SCN4A: variants seen among roughly 807,000 people sequenced by gnomAD.
SCN4A encodes the protein sodium voltage-gated channel alpha subunit 4, also known as sodium channel protein type 4 subunit alpha.
Under a neutral mutation model 162.0 loss-of-function variants are expected in SCN4A, and 83 were observed. The ratio of observed to expected loss-of-function variants is 0.51; its 90% CI spans 0.43 to 0.61. The LOEUF (loss-of-function observed/expected upper bound fraction) is 0.61, where lower values mean the gene tolerates loss of function less well. Among genes scored for constraint, SCN4A ranks in the 20% least tolerant of loss-of-function variants. The pLI, the probability that SCN4A is intolerant of heterozygous loss-of-function variation, is 0.00. For synonymous variants in SCN4A, 944 were observed against 985.1 expected (o/e 0.96, Z 0.78); for missense variants, 2,196 against 2,462.5 (o/e 0.89, Z 2.29).
intron 17 of SCN4A, among the ~76,000 whole-genome samples, chr17:63,947,423 G>T (rs948527506): frequency 1.4e-5 from 1 of 72,804 alleles, no homozygotes. Flanking sequence ...CGACTCCTTC[G>T]GGGAGGCCTG....
intron 16 of SCN4A, 132 bp from the exon 17 acceptor site, chr17:63,948,195 C>T: frequency 4.6e-6 from 3 of 649,500 alleles, no homozygotes; most frequent in South Asian, 2.3e-5. Flanking sequence ...ACAGGCTGTC[C>T]GCATCTCCTG....
At chr17:63,971,365 C>T (rs941820260) in intron 4 of SCN4A, 112 bp from the exon 5 acceptor site, 2 of 705,748 alleles carry the variant, frequency 2.8e-6, no homozygotes, top group African/African-American at 1.7e-5. Flanking sequence ...ATTGGGGGTA[C>T]CACAGGGTCT....
At chr17:63,955,661 C>T (rs887379010) in intron 13 of SCN4A, among the ~76,000 whole-genome samples, 2 of 152,182 alleles carry the variant, frequency 1.3e-5, no homozygotes, top group African/African-American at 2.4e-5. Context: ...CTTACATCAA[C>T]AAACTCCTAC....
At position 63,968,371 on chromosome 17, in the gene SCN4A, G is replaced by T; in HGVS notation, c.704-16C>A. 6.4e-7 allele frequency: 1 copy of T among 1,572,988 alleles called. No homozygotes were observed. The highest frequency in any genetic ancestry group is 8.7e-7 in the Non-Finnish European group (1 of 1,155,314). On this transcript the variant is annotated splice_polypyrimidine_tract_variant and intron_variant, in intron 5 of 23. Transcript: ENST00000435607. ...GTCTTCAGCCCTGACCGCAGAGAGG[G>T]CAAGGATATTGGCAGGGGGCAGGGC...
chr17:63,947,019 A>AGGC, intron 18 of SCN4A, 26 bp downstream of exon 18: 1 of 778,946 alleles, frequency 1.3e-6, no homozygotes, highest in Non-Finnish European at 2.0e-6. Context: ...TCCCCAGCCC[A>AGGC]CCCCAGAGGC....
In SCN4A at chr17:63,941,232, T is replaced by C; in HGVS notation, c.5050A>G (p.Thr1684Ala). ...CCAGAGTCACCCAGGACCTCTTTGG[T>C]CAGGGCAAAGAGGATGTCCAGGCAG... ...IHCLDILFALTKEVLGDSGEM... is the reference protein window; with the variant it reads ...IHCLDILFALAKEVLGDSGEM... The change falls in exon 24 of 24, where the codon ACC (threonine) becomes GCC (alanine). Residue 1684 changes from threonine to alanine, a missense_variant. Thr to Ala is a moderately conservative substitution (Grantham distance 58). Coordinates refer to ENST00000435607, the MANE Select transcript of SCN4A (RefSeq NM_000334.4). The surrounding 1 kb of genome is among the most constrained non-coding windows in gnomAD (Gnocchi z 6.2). 6.2e-7 allele frequency: 1 copy of C among 1,613,790 alleles called. No homozygotes were observed. Among genetic ancestry groups the C allele is most frequent in the Non-Finnish European group, 8.5e-7 (1 of 1,179,816 alleles).
rs897448432 is a variant in SCN4A, at chr17:63,959,279, G to A, written c.2005C>T (p.Arg669Cys). 3.1e-6 allele frequency: 5 copies of A among 1,613,352 alleles called. No homozygotes were observed. Among genetic ancestry groups the A allele is most frequent in the Non-Finnish European group, 4.2e-6 (5 of 1,179,470 alleles). ...LANVQGLSVL[R>C]SFRLLRVFKL... ...CTTTTGTGTACCAGACGGAAGGAGC[G>A]TAGCACAGACAGTCCCTGTACGTTG... The change falls in exon 12 of 24, where the codon CGC (arginine) becomes TGC (cysteine). Residue 669 changes from arginine to cysteine, a missense_variant. Coordinates refer to ENST00000435607, the MANE Select transcript of SCN4A (RefSeq NM_000334.4).
intron 22 of SCN4A, 41 bp downstream of exon 22, chr17:63,943,705 C>G (rs758149913): frequency 1.4e-4 from 183 of 1,286,962 alleles, no homozygotes; most frequent in Non-Finnish European, 1.9e-4. Context: ...TAGGCAGGAG[C>G]CTGGCAGCAC....
At position 63,948,781 on chromosome 17, in the gene SCN4A, G is replaced by A. The variant is rs542216962; in HGVS notation, c.2990-16C>T. 4 of 1,584,448 alleles carry A rather than the reference G, an allele frequency of 2.5e-6. No individual in the cohort carries two copies. The highest frequency in any genetic ancestry group is 1.1e-5 in the South Asian group (1 of 88,700). ...TGCACGCAGGCTGATGGGGTGAGGGGGGACAGGGACAGGCACCACATCATG... is the reference window on the plus strand; with the variant it reads ...TGCACGCAGGCTGATGGGGTGAGGGAGGACAGGGACAGGCACCACATCATG... On this transcript the variant is annotated splice_polypyrimidine_tract_variant and intron_variant, in intron 15 of 23. Transcript: ENST00000435607.
rs769966213 is a variant in SCN4A at position 63,964,454 on chromosome 17, C to A, written c.1452+14G>T. The A allele has an allele frequency of 6.2e-7, 1 of 1,612,844 alleles. No individual in the cohort carries two copies. Among genetic ancestry groups the A allele is most frequent in the Non-Finnish European group, 8.5e-7 (1 of 1,178,968 alleles). ...GAACCCTGGGTCCTCTATCTCCTTT[C>A]CCTGAGTCCAGACCTTCTCCAGCTC... On this transcript the variant is annotated intron_variant, in intron 9 of 23. Coordinates refer to ENST00000435607, the MANE Select transcript of SCN4A (RefSeq NM_000334.4).
At chr17:63,948,179 C>T (rs1031874887) in intron 16 of SCN4A, 116 bp from the exon 17 acceptor site, 2 of 765,860 alleles carry the variant, frequency 2.6e-6, no homozygotes, top group East Asian at 5.8e-5. Context: ...GGGCCCAGCC[C>T]AAGGGACAGG....
chr17:63,942,026 T>C, intron 23 of SCN4A, 33 bp from the exon 24 acceptor site: 7 of 1,511,426 alleles, frequency 4.6e-6, no homozygotes, highest in Non-Finnish European at 5.3e-6. Context: ...ACGCTGCCAC[T>C]GGGGAGGGGG....
Position 63,951,333 on chromosome 17 carries a change from G to T in SCN4A, c.2853+91C>A. The T allele has an allele frequency of 1.1e-6, 1 of 877,674 alleles. No individual in the cohort carries two copies. The highest frequency in any genetic ancestry group is 1.8e-6 in the Non-Finnish European group (1 of 571,148). The allele number at this position is 877,674 out of a possible 1,614,324, so 54.4% of individuals were successfully genotyped here. A position where few individuals can be genotyped will look rare whatever the true frequency, so the allele number is the denominator to read the frequency against. On this transcript the variant is annotated intron_variant, in intron 14 of 23. Coordinates refer to ENST00000435607, the MANE Select transcript of SCN4A (RefSeq NM_000334.4). This position sits in a 1 kb window ranked among gnomAD's most constrained non-coding sequence, Gnocchi z 4.5. ...GGGCACCACCCCCATTTTACAGCTGGAGAAACTGAGGCTCAGAGAGGACTT... is the reference window on the plus strand; with the variant it reads ...GGGCACCACCCCCATTTTACAGCTGTAGAAACTGAGGCTCAGAGAGGACTT...
Position 63,968,161 on chromosome 17 carries a change from A to G in SCN4A, c.898T>C (p.Trp300Arg). The G allele has an allele frequency of 3.1e-6, 5 of 1,613,852 alleles. No homozygotes were observed. The highest frequency in any genetic ancestry group is 1.3e-5 in the African/African-American group (1 of 75,000). The change falls in exon 6 of 24, where the codon TGG (tryptophan) becomes CGG (arginine). Residue 300 changes from tryptophan to arginine, a missense_variant. Transcript: ENST00000435607. ...TNTTWYSNDT[W>R]YGNDTWYGNE... Reference sequence around the variant, plus strand: ...CCATACCATGTGTCATTGCCGTACCACGTGTCATTGCTGTACCACGTGGTG... The same window carrying G: ...CCATACCATGTGTCATTGCCGTACCGCGTGTCATTGCTGTACCACGTGGTG...
intron 14 of SCN4A, 169 bp from the exon 15 acceptor site, chr17:63,949,697 A>T (rs557245205): frequency 1.4e-6 from 1 of 736,856 alleles, no homozygotes; most frequent in South Asian, 2.0e-5. Flanking sequence ...AACCACGGGG[A>T]CGTAGGTGGC....
rs796291789 is a variant in SCN4A, at chr17:63,949,319, C to G, written c.2989+74G>C. ...AGCCCCAGGTCCGTGTGCTTTTGGT[C>G]CTGGTGTAGCCTGCCCCTTGCAGGG... On this transcript the variant is annotated intron_variant, in intron 15 of 23. Coordinates refer to ENST00000435607, the MANE Select transcript of SCN4A (RefSeq NM_000334.4). The G allele has an allele frequency of 3.4e-6, 5 of 1,458,394 alleles. No individual in the cohort carries two copies. The African/African-American group carries it at 7.1e-5, about 21-fold the overall frequency. 90.3% of individuals were successfully genotyped at this position (1,458,394 alleles called of 1,614,324 possible).
intron 4 of SCN4A, 28 bp downstream of exon 4, chr17:63,971,694 C>T (rs1263591761): frequency 1.3e-6 from 2 of 1,559,378 alleles, no homozygotes; most frequent in Non-Finnish European, 1.7e-6. Flanking sequence ...CCACCCCAGC[C>T]TCAGGATGTC....
chr17:63,970,852 T>C (rs1193078251), intron 5 of SCN4A, among the ~76,000 whole-genome samples: 1 of 152,200 alleles, frequency 6.6e-6, no homozygotes, highest in Admixed American at 6.5e-5. Context: ...CAGGCTGGTC[T>C]CAAACTCCTG....
At chr17:63,964,707 G>T (rs1291047387) in intron 8 of SCN4A, 30 bp from the exon 9 acceptor site, 2 of 1,549,890 alleles carry the variant, frequency 1.3e-6, no homozygotes, top group Admixed American at 1.9e-5. Flanking sequence ...GAGTGGAGGG[G>T]TCCCATGACG....
Sources: gnomAD v4.1 joint callset for allele counts (sites outside exome capture counted in the v4.1 genomes callset) on GRCh38, gnomAD v4.1.1 for gene constraint, Gnocchi (gnomAD v3.1) non-coding constraint, MANE v1.5 for transcripts, NCBI Gene and HGNC (gene_info 2026-07-23, HGNC 2026-07-21) for gene names.